Variants in ABAT observed in about 807,000 individuals in gnomAD.
The protein encoded by ABAT is 4-aminobutyrate aminotransferase, mitochondrial.
Under a neutral mutation model 64.6 loss-of-function variants are expected in ABAT, and 45 were observed. That is an observed-to-expected ratio of 0.70 (90% CI 0.55 to 0.89). ABAT has a LOEUF of 0.89. ABAT is among the 40% of genes least tolerant of loss of function. The pLI is 0.00. For missense variants in ABAT, 633 were observed against 658.4 expected (o/e 0.96, Z 0.42); for synonymous variants, 297 against 250.5 (o/e 1.19, Z -1.75).
Position 8,772,866 on chromosome 16 carries a change from C to T in ABAT, c.903C>T (p.Asp301=). The change falls in exon 12 of 16, where the codon GAC becomes GAT. Residue 301 remains aspartate (D), a synonymous_variant. Coordinates refer to ENST00000268251, the MANE Select transcript of ABAT (RefSeq NM_020686.6). ...IVEPIQSEGG[D]NHASDDFFRK... is the part of the protein sequence containing the mutation. ...AGCCCATCCAGTCCGAGGGTGGAGA[C>T]AACCACGCATCCGATGACTTCTTTC... 6.2e-7 allele frequency: 1 copy of T among 1,614,066 alleles called. No homozygotes were observed. The highest frequency in any genetic ancestry group is 8.5e-7 in the Non-Finnish European group (1 of 1,180,006).
intron 11 of ABAT, among the ~76,000 whole-genome samples, chr16:8,771,140 A>G (rs1372488217): frequency 6.6e-6 from 1 of 152,098 alleles, no homozygotes; most frequent in Non-Finnish European, 1.5e-5. Context: ...TACTAAAAAT[A>G]CAAAATTAGC....
At chr16:8,744,370 C>A (rs1280199136) in intron 2 of ABAT, among the ~76,000 whole-genome samples, 1 of 151,604 alleles carries the variant, frequency 6.6e-6, no homozygotes, top group African/African-American at 2.4e-5. Context: ...AGGAGCCACA[C>A]ATTTTTTTTT....
chr16:8,745,970 A>C (rs772039716), intron 2 of ABAT, 31 bp from the exon 3 acceptor site: 16 of 1,598,182 alleles, frequency 1.0e-5, no homozygotes, highest in African/African-American at 1.3e-5. Flanking sequence ...TGCTGTCACC[A>C]GGGATTTCTC....
chr16:8,749,386 CTTTTTTTTTTTTT>C (rs1160144275), intron 4 of ABAT, among the ~76,000 whole-genome samples: 3 of 32,016 alleles, frequency 9.4e-5, no homozygotes, highest in African/African-American at 2.2e-4. Context: ...CGCACCCGGC[CTTTTTTTTTTTTT>C]TTTTTTTTTT....
intron 5 of ABAT, among the ~76,000 whole-genome samples, chr16:8,756,033 A>T (rs908832209): frequency 6.7e-6 from 1 of 149,600 alleles, no homozygotes; most frequent in African/African-American, 2.5e-5. Context: ...TGGGCAACAG[A>T]GCGAGACTCT....
chr16:8,684,678 A>C (rs1313622999), intron 1 of ABAT, among the ~76,000 whole-genome samples: 1 of 150,884 alleles, frequency 6.6e-6, no homozygotes, highest in Non-Finnish European at 1.5e-5. Context: ...AGCCATAATC[A>C]TGCCACTGCA....
chr16:8,754,179 T>TAAAAAAAAAAAAAAAAAAAAAAAAA (rs750745519), intron 5 of ABAT, among the ~76,000 whole-genome samples: 2 of 63,840 alleles, frequency 3.1e-5, no homozygotes, highest in African/African-American at 1.1e-4. Flanking sequence ...ACCCTGTCTA[T>TAAAAAAAAAAAAAAAAAAAAAAAAA]AAAAAAAAAA....
chr16:8,706,420 A>AG (rs546545178), intron 1 of ABAT, among the ~76,000 whole-genome samples: 7,698 of 148,118 alleles, frequency 0.052, 270 homozygotes, highest in East Asian at 0.14. Flanking sequence ...AAAAAAAAAA[A>AG]AAAGAAAAGA....
At chr16:8,758,077 G>A (rs13335330) in intron 6 of ABAT, among the ~76,000 whole-genome samples, 3,369 of 152,252 alleles carry the variant, frequency 0.022, 133 homozygotes, top group African/African-American at 0.078. Flanking sequence ...CGCTTTGTGG[G>A]CATAAAAGAA....
intron 9 of ABAT, among the ~76,000 whole-genome samples, 187 bp downstream of exon 9, chr16:8,766,457 C>T (rs183962754): frequency 2.0e-4 from 31 of 152,186 alleles, no homozygotes; most frequent in Admixed American, 2.6e-4. Flanking sequence ...GAGTTCAAGA[C>T]CAGCCTGGCT....
At position 8,781,818 on chromosome 16, in the gene ABAT, C is replaced by G; in HGVS notation, c.*388C>G. 2.8e-6 allele frequency: 1 copy of G among 358,916 alleles called. No individual in the cohort carries two copies. The highest frequency in any genetic ancestry group is 2.2e-5 in the South Asian group (1 of 44,808). 22.2% of individuals were successfully genotyped at this position (358,916 alleles called of 1,614,324 possible). On this transcript the variant is annotated 3_prime_UTR_variant, in exon 16 of 16. Coordinates refer to ENST00000268251, the MANE Select transcript of ABAT (RefSeq NM_020686.6). This position sits in a 1 kb window ranked among gnomAD's most constrained non-coding sequence, Gnocchi z 4.5. ...GCAGCTGGGCCTCCTGGGTGCCAGT[C>G]CATCTCAAGTGCCATATTCTGTGAT...
intron 5 of ABAT, among the ~76,000 whole-genome samples, chr16:8,751,739 G>A (rs1053186002): frequency 6.6e-6 from 1 of 152,150 alleles, no homozygotes; most frequent in Non-Finnish European, 1.5e-5. Context: ...AACACACACA[G>A]CAGCTGGAAA....
At chr16:8,750,667 G>C (rs2059454807) in intron 5 of ABAT, 128 bp downstream of exon 5, 2 of 838,140 alleles carry the variant, frequency 2.4e-6, no homozygotes, top group Non-Finnish European at 4.1e-6. Context: ...CTTCACCCAA[G>C]GGTAGGAAAA....
At chr16:8,763,763 A>G (rs1408703620) in intron 6 of ABAT, among the ~76,000 whole-genome samples, 1 of 152,204 alleles carries the variant, frequency 6.6e-6, no homozygotes, top group East Asian at 1.9e-4. Flanking sequence ...GGAAGTTGCA[A>G]AAACCAGTAC....
At chr16:8,734,511 T>A (rs2058854408) in intron 1 of ABAT, among the ~76,000 whole-genome samples, 1 of 152,190 alleles carries the variant, frequency 6.6e-6, no homozygotes, top group African/African-American at 2.4e-5. Context: ...ATCCACCACT[T>A]AACCTCTCTG....
chr16:8,747,084 G>T (rs150823748), intron 3 of ABAT, among the ~76,000 whole-genome samples: 1 of 152,154 alleles, frequency 6.6e-6, no homozygotes, highest in Non-Finnish European at 1.5e-5. Flanking sequence ...GTATAGTTCT[G>T]CTGAGGCCTG....
At chr16:8,697,164 G>T (rs1192067246) in intron 1 of ABAT, among the ~76,000 whole-genome samples, 4 of 152,110 alleles carry the variant, frequency 2.6e-5, no homozygotes, top group African/African-American at 4.8e-5. Context: ...GTGGTATTTG[G>T]GCTGAGGAAT....
intron 15 of ABAT, chr16:8,780,780 A>C: frequency 5.4e-6 from 1 of 186,846 alleles, no homozygotes; most frequent in Non-Finnish European, 1.1e-5. Flanking sequence ...AAAAAAAAAA[A>C]AGGCATAAAC....
intron 1 of ABAT, among the ~76,000 whole-genome samples, chr16:8,730,478 G>A (rs1555487797): frequency 6.6e-6 from 1 of 152,070 alleles, no homozygotes; most frequent in Non-Finnish European, 1.5e-5. Flanking sequence ...ACCTGAACCT[G>A]TACTCTGAAC....
Sources: gnomAD v4.1 joint callset for allele counts (sites outside exome capture counted in the v4.1 genomes callset) on GRCh38, gnomAD v4.1.1 for gene constraint, Gnocchi (gnomAD v3.1) non-coding constraint, MANE v1.5 for transcripts, NCBI Gene and HGNC (gene_info 2026-07-23, HGNC 2026-07-21) for gene names.